The following ZBTB8B variants were observed in gnomAD, a reference collection of about 807,000 sequenced individuals.
ZBTB8B encodes zinc finger and BTB domain containing 8B.
A neutral mutation model predicts 30.3 loss-of-function variants in ZBTB8B; 17 were observed. That is an observed-to-expected ratio of 0.56 (90% CI 0.38 to 0.84). ZBTB8B has a LOEUF of 0.84. ZBTB8B is among the 40% of genes least tolerant of loss of function. The probability of loss-of-function intolerance (pLI) is 0.00; values close to 1 mark genes in which losing one functional copy is unlikely to be tolerated. For synonymous variants in ZBTB8B, 248 were observed against 255.6 expected, an observed-to-expected ratio of 0.97 and a Z score of 0.28; for missense variants, 515 against 644.9, an observed-to-expected ratio of 0.80 and a Z score of 2.18.
intron 1 of ZBTB8B, among the ~76,000 whole-genome samples, chr1:32,466,884 T>A (rs747732312): frequency 6.6e-6 from 1 of 152,160 alleles, no homozygotes; most frequent in African/African-American, 2.4e-5. Flanking sequence ...GCCTCCTTTT[T>A]TTCTTAGTTA....
At chr1:32,470,521 AAAAAAG>A in intron 1 of ZBTB8B, 57 bp from the exon 2 acceptor site, 1 of 1,170,022 alleles carries the variant, frequency 8.5e-7, no homozygotes, top group Non-Finnish European at 1.1e-6. Flanking sequence ...AAAAAAAAAA[AAAAAAG>A]AAATCTTGTT....
At chr1:32,481,567 T>C (rs1171040106) in intron 3 of ZBTB8B, among the ~76,000 whole-genome samples, 1 of 152,186 alleles carries the variant, frequency 6.6e-6, no homozygotes, top group Non-Finnish European at 1.5e-5. Flanking sequence ...ATTGTCTCCA[T>C]GTGAGCTGGT....
rs1302127537 is a variant in ZBTB8B at position 32,470,984 on chromosome 1, A to G, written c.360A>G (p.Ser120=). The change falls in exon 2 of 4, where the codon TCA becomes TCG. Residue 120 remains serine (S), a synonymous_variant. Transcript: ENST00000609129. The part of the protein sequence containing the change: ...VVNFCKTYIR[S]SLDICRKMEK... Reference sequence around the variant, plus strand: ...ACTTCTGCAAGACATACATTAGGTCATCCCTCGACATTTGCCGAAAGATGG... The same window carrying G: ...ACTTCTGCAAGACATACATTAGGTCGTCCCTCGACATTTGCCGAAAGATGG... The G allele has an allele frequency of 1.9e-6, 3 of 1,552,292 alleles. No homozygotes were observed. The highest frequency in any genetic ancestry group is 1.2e-5 in the South Asian group (1 of 84,068).
chr1:32,471,584 T>C lies in ZBTB8B; in HGVS notation c.960T>C (p.Asp320=). The C allele has an allele frequency of 6.4e-7, 1 of 1,551,700 alleles. No homozygotes were observed. The highest frequency in any genetic ancestry group is 8.7e-7 in the Non-Finnish European group (1 of 1,146,940). Residue 320 remains aspartate, a synonymous_variant, in exon 2 of 4, where the codon GAT becomes GAC. Coordinates refer to ENST00000609129, the MANE Select transcript of ZBTB8B (RefSeq NM_001145720.2). The part of the protein sequence containing the change: ...GAGVAMSSMM[D]VQADWYGEDS... ...GAGTAGCCATGAGTTCCATGATGGA[T>C]GTCCAGGCTGACTGGTATGGAGAGG...
intron 1 of ZBTB8B, among the ~76,000 whole-genome samples, chr1:32,470,175 T>C (rs1478717003): frequency 2.6e-5 from 4 of 152,128 alleles, no homozygotes; most frequent in Admixed American, 2.0e-4. Flanking sequence ...ATTGCACCAC[T>C]GGTTTTGGAA....
chr1:32,481,851 ATGT>A (rs953848888), intron 3 of ZBTB8B, among the ~76,000 whole-genome samples: 1 of 152,176 alleles, frequency 6.6e-6, no homozygotes, highest in African/African-American at 2.4e-5. Context: ...AAGTGAGAAC[ATGT>A]TGTATTTGGT....
chr1:32,496,299 C>T lies in ZBTB8B; in HGVS notation c.*10881C>T, dbSNP rs984807685. 1 of 152,158 alleles carries T rather than the reference C, an allele frequency of 6.6e-6. No homozygotes were observed. Among genetic ancestry groups the T allele is most frequent in the Non-Finnish European group, 1.5e-5 (1 of 68,038 alleles). 9.4% of individuals were successfully genotyped at this position (152,158 alleles called of 1,614,324 possible). ...AGTAAGGCAGACAACTCAAAAATCA[C>T]AGGAAGTGCAGCCATTCTACGTGCC... On this transcript the variant is annotated 3_prime_UTR_variant, in exon 4 of 4. Transcript: ENST00000609129.
At position 32,494,526 on chromosome 1, in the gene ZBTB8B, T is replaced by C. The variant is rs150670155; in HGVS notation, c.*9108T>C. 2 of 152,258 alleles carry C rather than the reference T, an allele frequency of 1.3e-5. No individual in the cohort carries two copies. The highest frequency in any genetic ancestry group is 3.9e-4 in the East Asian group (2 of 5,182). The allele number at this position is 152,258 out of a possible 1,614,324, so 9.4% of individuals were successfully genotyped here. On this transcript the variant is annotated 3_prime_UTR_variant, in exon 4 of 4. Coordinates refer to ENST00000609129, the MANE Select transcript of ZBTB8B (RefSeq NM_001145720.2). ...CATTGTGTGATTATGGTCTGCATTC[T>C]TGCAATGCTTAGACAGGGAGGGGGA... is the stretch of plus-strand genomic sequence containing the variant.
In ZBTB8B at chr1:32,492,279, G is replaced by C. The variant is rs537552020; in HGVS notation, c.*6861G>C. 112 of 157,966 alleles carry C rather than the reference G, an allele frequency of 7.1e-4. No individual in the cohort carries two copies. Among genetic ancestry groups the C allele is most frequent in the Middle Eastern group, 3.1e-3 (1 of 320 alleles). 9.8% of individuals were successfully genotyped at this position (157,966 alleles called of 1,614,324 possible). A position where few individuals can be genotyped will look rare whatever the true frequency, so the allele number is the denominator to read the frequency against. ...GCCATCTGGCAAACACCAAACACAGGCTCTTGGTAACCGTGCCTTTTTTTT... is the reference window on the plus strand; with the variant it reads ...GCCATCTGGCAAACACCAAACACAGCCTCTTGGTAACCGTGCCTTTTTTTT... On this transcript the variant is annotated 3_prime_UTR_variant, in exon 4 of 4. Transcript: ENST00000609129.
At chr1:32,468,611 C>T (rs1337591691) in intron 1 of ZBTB8B, among the ~76,000 whole-genome samples, 5 of 152,024 alleles carry the variant, frequency 3.3e-5, no homozygotes, top group African/African-American at 1.2e-4. Flanking sequence ...CCCAAGAATC[C>T]ACCAAATACT....
chr1:32,485,470 G>T lies in ZBTB8B; in HGVS notation c.*52G>T. On this transcript the variant is annotated 3_prime_UTR_variant, in exon 4 of 4. Transcript: ENST00000609129. ...TTTAAAACTTGTTAGTGCTCGTTCTGTTGTTGAAAGATACCATTTGTCCAA... is the reference window on the plus strand; with the variant it reads ...TTTAAAACTTGTTAGTGCTCGTTCTTTTGTTGAAAGATACCATTTGTCCAA... The T allele has an allele frequency of 4.0e-6, 6 of 1,498,512 alleles. No individual in the cohort carries two copies. Among genetic ancestry groups the T allele is most frequent in the Non-Finnish European group, 5.4e-6 (6 of 1,110,762 alleles). The allele number at this position is 1,498,512 out of a possible 1,614,324, so 92.8% of individuals were successfully genotyped here.
At chr1:32,470,549 G>A (rs1643608873) in intron 1 of ZBTB8B, 35 bp from the exon 2 acceptor site, 1 of 1,301,330 alleles carries the variant, frequency 7.7e-7, no homozygotes, top group South Asian at 1.6e-5. Context: ...GTAAAGGTTG[G>A]GATTTGTGAA....
chr1:32,476,910 G>A (rs1276816678), intron 2 of ZBTB8B, among the ~76,000 whole-genome samples: 1 of 152,174 alleles, frequency 6.6e-6, no homozygotes, highest in Non-Finnish European at 1.5e-5. Context: ...CAGGACCCTA[G>A]AACAGAGCCT....
rs1308636916 is a variant in ZBTB8B at position 32,491,924 on chromosome 1, A to G, written c.*6506A>G. On this transcript the variant is annotated 3_prime_UTR_variant, in exon 4 of 4. Transcript: ENST00000609129. ...CTTTGTTAATACTTTGCCAAACACTATGCTAAGCAATTGCATAACAGATAT... is the reference window on the plus strand; with the variant it reads ...CTTTGTTAATACTTTGCCAAACACTGTGCTAAGCAATTGCATAACAGATAT... The G allele has an allele frequency of 6.6e-6, 1 of 152,126 alleles. No individual in the cohort carries two copies. The highest frequency in any genetic ancestry group is 1.5e-5 in the Non-Finnish European group (1 of 68,010). The allele number at this position is 152,126 out of a possible 1,614,324, so 9.4% of individuals were successfully genotyped here.
chr1:32,489,837 G>C lies in ZBTB8B; in HGVS notation c.*4419G>C, dbSNP rs1643767983. 1 of 152,154 alleles carries C rather than the reference G, an allele frequency of 6.6e-6. No individual in the cohort carries two copies. Among genetic ancestry groups the C allele is most frequent in the Non-Finnish European group, 1.5e-5 (1 of 68,022 alleles). 9.4% of individuals were successfully genotyped at this position (152,154 alleles called of 1,614,324 possible). A position where few individuals can be genotyped will look rare whatever the true frequency, so the allele number is the denominator to read the frequency against. On this transcript the variant is annotated 3_prime_UTR_variant, in exon 4 of 4. Transcript: ENST00000609129. ...CCTATAATAATTAAGAAATGACATA[G>C]TGCATCATGATTCTGATCATTTGGC...
chr1:32,466,402 A>G (rs1267099426), intron 1 of ZBTB8B, among the ~76,000 whole-genome samples: 1 of 152,232 alleles, frequency 6.6e-6, no homozygotes, highest in African/African-American at 2.4e-5. Context: ...TAACCGTTGA[A>G]TTGAGTTGGA....
At chr1:32,466,023 C>T (rs1001104916) in intron 1 of ZBTB8B, among the ~76,000 whole-genome samples, 6 of 151,890 alleles carry the variant, frequency 4.0e-5, no homozygotes, top group Non-Finnish European at 5.9e-5. Flanking sequence ...CCTGGGCAAC[C>T]GAGCAAGACC....
At chr1:32,480,847 T>A in intron 2 of ZBTB8B, 44 bp from the exon 3 acceptor site, 3 of 1,501,612 alleles carry the variant, frequency 2.0e-6, no homozygotes, top group Non-Finnish European at 2.7e-6. Flanking sequence ...CCAGGGTTGG[T>A]CACTGCATAC....
At chr1:32,479,478 G>A (rs1643688857) in intron 2 of ZBTB8B, among the ~76,000 whole-genome samples, 1 of 152,038 alleles carries the variant, frequency 6.6e-6, no homozygotes, top group Non-Finnish European at 1.5e-5. Context: ...AGCCAAGATC[G>A]TGTCACTGCA....
Sources: gnomAD v4.1 joint callset for allele counts (sites outside exome capture counted in the v4.1 genomes callset) on GRCh38, gnomAD v4.1.1 for gene constraint, MANE v1.5 for transcripts, NCBI Gene and HGNC (gene_info 2026-07-23, HGNC 2026-07-21) for gene names.